RBMS3: variants seen among roughly 807,000 people sequenced by gnomAD.
RBMS3 encodes the protein RNA-binding motif, single-stranded-interacting protein 3.
A neutral mutation model predicts 66.8 loss-of-function variants in RBMS3; 27 were observed. The observed-to-expected ratio is 0.40, with a 90% CI of 0.30 to 0.56. The LOEUF is 0.56. Ranked by LOEUF, RBMS3 falls within the 20% of genes least tolerant of loss-of-function variation. RBMS3 has a pLI of 0.40. For synonymous variants in RBMS3, 188 were observed against 183.0 expected, an observed-to-expected ratio of 1.03 and a Z score of -0.22; for missense variants, 513 against 549.5, an observed-to-expected ratio of 0.93 and a Z score of 0.66.
chr3:29,317,412 A>G (rs752313756), intron 1 of RBMS3, among the ~76,000 whole-genome samples: 3 of 151,756 alleles, frequency 2.0e-5, no homozygotes, highest in Non-Finnish European at 2.9e-5. Flanking sequence ...TGAACCTAAA[A>G]GCTTTAAATA....
intron 2 of RBMS3, among the ~76,000 whole-genome samples, chr3:29,484,862 G>A (rs914729290): frequency 6.6e-6 from 1 of 152,152 alleles, no homozygotes; most frequent in Non-Finnish European, 1.5e-5. Flanking sequence ...AAATAAATGT[G>A]ATACCTTTTT....
At chr3:29,992,173 G>A (rs542463231) in intron 14 of RBMS3, among the ~76,000 whole-genome samples, 89 of 152,072 alleles carry the variant, frequency 5.9e-4, no homozygotes, top group Non-Finnish European at 1.2e-3. Flanking sequence ...GTGCTGCTCC[G>A]TTATTTAAAA....
chr3:29,984,331 T>C (rs1698217783), intron 12 of RBMS3, among the ~76,000 whole-genome samples: 1 of 152,062 alleles, frequency 6.6e-6, no homozygotes, highest in South Asian at 2.1e-4. Flanking sequence ...TTCAAGTTTC[T>C]TAGCTTCCTT....
At chr3:29,998,836 A>G (rs1431985015) in intron 14 of RBMS3, among the ~76,000 whole-genome samples, 1 of 152,184 alleles carries the variant, frequency 6.6e-6, no homozygotes, top group Non-Finnish European at 1.5e-5. Context: ...AACCTGGGCA[A>G]TACCATTCAG....
chr3:29,889,921 C>T (rs1406737700), intron 8 of RBMS3, among the ~76,000 whole-genome samples: 1 of 151,592 alleles, frequency 6.6e-6, no homozygotes, highest in Non-Finnish European at 1.5e-5. Context: ...TAACCTAATT[C>T]TCCTAAAATA....
chr3:29,697,691 G>A lies in RBMS3; in HGVS notation c.400-42029G>A, dbSNP rs73054352. Among the ~76,000 whole-genome samples, 141 of 152,246 alleles carry A rather than the reference G, an allele frequency of 9.3e-4. 2 individuals are homozygous for A. Among genetic ancestry groups the A allele is most frequent in the Non-Finnish European group, 1.3e-3 (89 of 68,000 alleles). On this transcript the variant is annotated intron_variant, in intron 4 of 14. Transcript: ENST00000383767. ...ATGTCTAAACACAGAGTTTGTTTAT[G>A]TTTCATATATACCTTATATACATAA...
rs17024699 is a variant in RBMS3 at position 30,009,726 on chromosome 3, G to A, written c.*5864G>A. The stretch of plus-strand genomic sequence containing the variant: ...TTTGACTGCGTTACTTATTAAGGCC[G>A]AATGACTTTGACACCCCCGTGGATT... On this transcript the variant is annotated 3_prime_UTR_variant, in exon 15 of 15. Coordinates refer to ENST00000383767, the MANE Select transcript of RBMS3 (RefSeq NM_001003793.3). 2.0e-4 allele frequency: 30 copies of A among 152,122 alleles called. No individual in the cohort carries two copies. Among genetic ancestry groups the A allele is most frequent in the South Asian group, 8.3e-4 (4 of 4,816 alleles). 9.4% of individuals were successfully genotyped at this position (152,122 alleles called of 1,614,324 possible).
intron 5 of RBMS3, among the ~76,000 whole-genome samples, chr3:29,740,503 T>C (rs901168418): frequency 6.6e-6 from 1 of 152,148 alleles, no homozygotes; most frequent in African/African-American, 2.4e-5. Flanking sequence ...CATTTTAACT[T>C]TGAAGGAATG....
intron 3 of RBMS3, among the ~76,000 whole-genome samples, chr3:29,580,941 T>C (rs1283664445): frequency 6.6e-6 from 1 of 152,208 alleles, no homozygotes; most frequent in African/African-American, 2.4e-5. Context: ...ACCCTCCCTG[T>C]TCAGGCAGTC....
chr3:29,708,510 C>T (rs533096235), intron 4 of RBMS3, among the ~76,000 whole-genome samples: 1 of 152,146 alleles, frequency 6.6e-6, no homozygotes, highest in South Asian at 2.1e-4. Flanking sequence ...TTGTAAGAAA[C>T]AAATTGTTTT....
intron 6 of RBMS3, among the ~76,000 whole-genome samples, chr3:29,861,692 G>C (rs2059221010): frequency 6.6e-6 from 1 of 152,058 alleles, no homozygotes; most frequent in African/African-American, 2.4e-5. Flanking sequence ...TGTTTTGTTT[G>C]CTTGCTTAAA....
chr3:29,838,566 G>A (rs1417260099), intron 6 of RBMS3, among the ~76,000 whole-genome samples: 1 of 152,120 alleles, frequency 6.6e-6, no homozygotes, highest in South Asian at 2.1e-4. Context: ...CCTTGTGAAC[G>A]TCCCACTTTG....
At chr3:29,449,470 T>G (rs541176967) in intron 2 of RBMS3, among the ~76,000 whole-genome samples, 6 of 152,350 alleles carry the variant, frequency 3.9e-5, no homozygotes, top group Admixed American at 3.9e-4. Context: ...GTTTAAATCT[T>G]TCTATCACTT....
Position 29,281,485 on chromosome 3 carries a change from T to TTTCCTTTGGTG in RBMS3, c.-196_-195insTCCTTTGGTGT. 4 of 568,768 alleles carry TTTCCTTTGGTG rather than the reference T, an allele frequency of 7.0e-6. No individual in the cohort carries two copies. Among genetic ancestry groups the TTTCCTTTGGTG allele is most frequent in the Non-Finnish European group, 1.2e-5 (4 of 324,276 alleles). The allele number at this position is 568,768 out of a possible 1,614,324, so 35.2% of individuals were successfully genotyped here. ...ATCTCACTCCTCGCCCTTTTTTTTT[T>TTTCCTTTGGTG]TCCTTTGGTGTGTGTTTTTTGTTTT... On this transcript the variant is annotated 5_prime_UTR_variant, in exon 1 of 15. Coordinates refer to ENST00000383767, the MANE Select transcript of RBMS3 (RefSeq NM_001003793.3).
At chr3:29,577,934 C>T (rs2047181966) in intron 3 of RBMS3, among the ~76,000 whole-genome samples, 1 of 152,140 alleles carries the variant, frequency 6.6e-6, no homozygotes, top group East Asian at 1.9e-4. Flanking sequence ...CAGATAGTTG[C>T]TAAAATTTGG....
chr3:29,675,813 T>C (rs1265955243), intron 4 of RBMS3, among the ~76,000 whole-genome samples: 1 of 152,116 alleles, frequency 6.6e-6, no homozygotes, highest in East Asian at 1.9e-4. Flanking sequence ...AATAGCACTT[T>C]TACACTGTTG....
In RBMS3 at chr3:29,817,247, G is replaced by A. The variant is rs557840123; in HGVS notation, c.638-51611G>A. On this transcript the variant is annotated intron_variant, in intron 6 of 14. Coordinates refer to ENST00000383767, the MANE Select transcript of RBMS3 (RefSeq NM_001003793.3). ...CTGTCACCCAGGCTGGAGTGCAATG[G>A]CACAATCTTGGCTCACTGCAAACTC... Among the ~76,000 whole-genome samples the A allele has an allele frequency of 2.1e-3, 306 of 147,806 alleles. 1 individual carries two copies. The highest frequency in any genetic ancestry group is 7.4e-3 in the African/African-American group (289 of 39,216).
At chr3:29,791,380 A>C (rs1013298314) in intron 6 of RBMS3, among the ~76,000 whole-genome samples, 3 of 152,224 alleles carry the variant, frequency 2.0e-5, no homozygotes, top group Admixed American at 2.0e-4. Flanking sequence ...AAAGCCTCTT[A>C]TCTATCATCT....
chr3:29,347,771 C>G (rs1179004913), intron 1 of RBMS3, among the ~76,000 whole-genome samples: 1 of 152,182 alleles, frequency 6.6e-6, no homozygotes, highest in African/African-American at 2.4e-5. Flanking sequence ...CCCCACAAAA[C>G]TCGCCGTGGC....
Sources: allele counts gnomAD v4.1 joint callset (sites outside exome capture counted in the v4.1 genomes callset), GRCh38; gene constraint gnomAD v4.1.1; transcripts MANE v1.5; gene names NCBI Gene and HGNC (gene_info 2026-07-23, HGNC 2026-07-21).